TUBA3E: variants seen among roughly 807,000 people sequenced by gnomAD.
TUBA3E encodes tubulin alpha 3e.
In TUBA3E, 21 loss-of-function variants were observed where a neutral mutation model predicts 36.7. The ratio of observed to expected loss-of-function variants is 0.57; its 90% CI spans 0.41 to 0.83. The LOEUF is 0.83. Ranked by LOEUF, TUBA3E falls within the 40% of genes least tolerant of loss-of-function variation. TUBA3E has a pLI of 0.00. For missense variants in TUBA3E, 469 were observed against 604.2 expected, an observed-to-expected ratio of 0.78 and a Z score of 2.35; for synonymous variants, 177 against 241.9, an observed-to-expected ratio of 0.73 and a Z score of 2.49.
intron 4 of TUBA3E, among the ~76,000 whole-genome samples, chr2:130,193,321 T>A (rs749463527): frequency 6.6e-6 from 1 of 151,494 alleles, no homozygotes; most frequent in African/African-American, 2.4e-5. Context: ...TCAAAAGACA[T>A]CACTGACCTG....
Position 130,191,935 on chromosome 2 carries a change from C to T in TUBA3E, c.1249G>A (p.Glu417Lys). Residue 417 changes from glutamate (E) to lysine (K), a missense_variant, in exon 5 of 5, where the codon GAG (glutamate) becomes AAG (lysine). Glu to Lys is a moderately conservative substitution (Grantham distance 56). This residue lies in a region of TUBA3E where 296 missense variants were observed against 346.9 expected (regional missense o/e 0.85). Transcript: ENST00000312988. ...WYVGEGMEEG[E>K]FSEAREDLAA... ...AGGTCCTCGCGGGCCTCAGAGAACT[C>T]TCCCTCTTCCATGCCTTCGCCCACG... is the stretch of plus-strand genomic sequence containing the variant. 6.2e-7 allele frequency: 1 copy of T among 1,614,116 alleles called. No individual in the cohort carries two copies. Among genetic ancestry groups the T allele is most frequent in the East Asian group, 2.2e-5 (1 of 44,852 alleles).
In TUBA3E at chr2:130,192,821, TGTG is replaced by T. The variant is rs777097626; in HGVS notation, c.1057-697_1057-695del. 2.6e-5 allele frequency among the ~76,000 whole-genome samples: 4 copies of T among 152,094 alleles called. No individual in the cohort carries two copies. In the South Asian group the frequency reaches 8.3e-4, roughly 32 times the overall value. On this transcript the variant is annotated intron_variant, in intron 4 of 4. Transcript: ENST00000312988. ...CTATAAATGACAACATCAGGCCAGG[TGTG>T]GTGGCTCAAGCCTGTGACCCCAGCA... is the stretch of plus-strand genomic sequence containing the variant.
chr2:130,193,674 T>G, intron 4 of TUBA3E, 112 bp downstream of exon 4: 1 of 1,347,154 alleles, frequency 7.4e-7, no homozygotes, highest in Non-Finnish European at 1.0e-6. Flanking sequence ...TATGCCCACA[T>G]GCCTAGCCCA....
In TUBA3E at chr2:130,192,055, T is replaced by C. The variant is rs373608623; in HGVS notation, c.1129A>G (p.Met377Val). Residue 377 changes from methionine (M) to valine (V), a missense_variant, in exon 5 of 5, where the codon ATG becomes GTG. Met to Val is a conservative substitution (Grantham distance 21, BLOSUM62 1). This residue lies in a region of TUBA3E where 296 missense variants were observed against 346.9 expected (regional missense o/e 0.85). Coordinates refer to ENST00000312988, the MANE Select transcript of TUBA3E (RefSeq NM_207312.3). Reference sequence around the variant, plus strand: ...GCAATGGCCGTGGTGTTGCTCAGCATGCACACGGCCCGCTGCACCTTGGCC... The same window carrying C: ...GCAATGGCCGTGGTGTTGCTCAGCACGCACACGGCCCGCTGCACCTTGGCC... ...DLAKVQRAVCMLSNTTAIAEA... is the reference protein window; with the variant it reads ...DLAKVQRAVCVLSNTTAIAEA... 89 of 1,613,918 alleles carry C rather than the reference T, an allele frequency of 5.5e-5. No individual in the cohort carries two copies. Among genetic ancestry groups the C allele is most frequent in the Non-Finnish European group, 6.4e-5 (76 of 1,179,964 alleles).
Position 130,194,134 on chromosome 2 carries a change from G to A in TUBA3E, c.708C>T (p.Ser236=), listed in dbSNP as rs1295510181. The change falls in exon 4 of 5, where the codon TCC becomes TCT. Residue 236 remains serine, a synonymous_variant. Coordinates refer to ENST00000312988, the MANE Select transcript of TUBA3E (RefSeq NM_207312.3). ...NLNRLIGQIV[S]SITASLRFDG... is the part of the protein sequence containing the mutation. ...CAAATCGCAGGGAGGCCGTGATGGA[G>A]GACACGATCTGCCCAATCAGGCGAT... is the stretch of plus-strand genomic sequence containing the variant. 6.2e-7 allele frequency: 1 copy of A among 1,613,990 alleles called. No individual in the cohort carries two copies. Among genetic ancestry groups the A allele is most frequent in the Non-Finnish European group, 8.5e-7 (1 of 1,180,048 alleles).
intron 2 of TUBA3E, among the ~76,000 whole-genome samples, chr2:130,195,834 G>A (rs1159747345): frequency 6.6e-5 from 10 of 152,266 alleles, no homozygotes; most frequent in Non-Finnish European, 1.2e-4. Context: ...GCATTCGGGA[G>A]GGAACCAATG....
chr2:130,192,292 C>T (rs576005449), intron 4 of TUBA3E, among the ~76,000 whole-genome samples, 165 bp from the exon 5 acceptor site: 2 of 152,284 alleles, frequency 1.3e-5, no homozygotes, highest in South Asian at 2.1e-4. Context: ...GGTGATAGTT[C>T]CAGACGAGGA....
Position 130,194,024 on chromosome 2 carries a change from G to A in TUBA3E, c.818C>T (p.Ala273Val), listed in dbSNP as rs1690338747. The change falls in exon 4 of 5, where the codon GCC (alanine) becomes GTC (valine). Residue 273 changes from alanine (A) to valine (V), a missense_variant. Ala to Val is a moderately conservative substitution (Grantham distance 64). This residue lies in a region of TUBA3E where 296 missense variants were observed against 346.9 expected (regional missense o/e 0.85). Transcript: ENST00000312988. ...GGCCTTCTCAGCTGAGATGACTGGG[G>A]CGTAGGTGGCCAGGGGGAAGTGGAT... is the stretch of plus-strand genomic sequence containing the variant. ...PRIHFPLATY[A>V]PVISAEKAYH... is the part of the protein sequence containing the mutation. 2 of 1,614,100 alleles carry A rather than the reference G, an allele frequency of 1.2e-6. No homozygotes were observed. Among genetic ancestry groups the A allele is most frequent in the African/African-American group, 2.7e-5 (2 of 74,948 alleles).
In TUBA3E at chr2:130,194,120, G is replaced by T; in HGVS notation, c.722C>A (p.Ser241Tyr). Residue 241 changes from serine (S) to tyrosine (Y), a missense_variant, in exon 4 of 5, where the codon TCC becomes TAC. Around this residue, in one of 3 missense-constraint regions of TUBA3E, gnomAD observed 296 missense variants for 346.9 expected, o/e 0.85. Transcript: ENST00000312988. ...ATTCAGGGCCCCATCAAATCGCAGG[G>T]AGGCCGTGATGGAGGACACGATCTG... ...IGQIVSSITA[S>Y]LRFDGALNVD... is the part of the protein sequence containing the mutation. The T allele has an allele frequency of 6.2e-7, 1 of 1,614,190 alleles. No homozygotes were observed. The highest frequency in any genetic ancestry group is 8.5e-7 in the Non-Finnish European group (1 of 1,180,042).
At chr2:130,195,646 C>A (rs1320492647) in intron 2 of TUBA3E, among the ~76,000 whole-genome samples, 2 of 152,236 alleles carry the variant, frequency 1.3e-5, no homozygotes, top group Non-Finnish European at 2.9e-5. Context: ...GTCCCACAGG[C>A]TTTCAGGTGA....
In TUBA3E at chr2:130,196,327, G is replaced by T. The variant is rs777258002; in HGVS notation, c.48C>A (p.Ile16=). ...AGTACAGTTCCCAGCAGGCATTGCCGATCTGGACACCCGCCTGCCCCACGT... is the reference window on the plus strand; with the variant it reads ...AGTACAGTTCCCAGCAGGCATTGCCTATCTGGACACCCGCCTGCCCCACGT... ...SIHVGQAGVQ[I]GNACWELYCL... Residue 16 remains isoleucine, a synonymous_variant, in exon 2 of 5, where the codon ATC becomes ATA. Coordinates refer to ENST00000312988, the MANE Select transcript of TUBA3E (RefSeq NM_207312.3). The T allele has an allele frequency of 1.2e-6, 2 of 1,614,030 alleles. No homozygotes were observed. Among genetic ancestry groups the T allele is most frequent in the South Asian group, 2.2e-5 (2 of 91,070 alleles).
At chr2:130,195,505 C>T (rs886490418) in intron 2 of TUBA3E, among the ~76,000 whole-genome samples, 1 of 152,238 alleles carries the variant, frequency 6.6e-6, no homozygotes, top group South Asian at 2.1e-4. Flanking sequence ...CACTCCTACT[C>T]AGGTACATAA....
At chr2:130,192,165 A>T in intron 4 of TUBA3E, 38 bp from the exon 5 acceptor site, 2 of 1,565,088 alleles carry the variant, frequency 1.3e-6, no homozygotes, top group South Asian at 1.2e-5. Flanking sequence ...CGTGAAGCTT[A>T]TATCAAACCT....
chr2:130,196,007 A>C (rs1690393538), intron 2 of TUBA3E, 142 bp downstream of exon 2: 3 of 1,391,932 alleles, frequency 2.2e-6, no homozygotes, highest in Non-Finnish European at 2.9e-6. Context: ...CAAACCTTTC[A>C]GTTTCTCTCC....
chr2:130,192,834 G>A (rs865865034), intron 4 of TUBA3E, among the ~76,000 whole-genome samples: 3 of 152,216 alleles, frequency 2.0e-5, no homozygotes, highest in African/African-American at 7.2e-5. Context: ...GGTGGCTCAA[G>A]CCTGTGACCC....
At chr2:130,192,349 C>G (rs1193054014) in intron 4 of TUBA3E, among the ~76,000 whole-genome samples, 1 of 152,164 alleles carries the variant, frequency 6.6e-6, no homozygotes, top group African/African-American at 2.4e-5. Context: ...GGATCCCAAG[C>G]TACCTAAAGG....
rs1360269679 is a variant in TUBA3E, at chr2:130,194,057, T to C, written c.785A>G (p.Tyr262Cys). The part of the protein sequence containing the change: ...LTEFQTNLVP[Y>C]PRIHFPLATY... ...GGCCAGGGGGAAGTGGATGCGGGGG[T>C]ACGGCACGAGGTTGGTCTGGAATTC... The change falls in exon 4 of 5, where the codon TAC (tyrosine) becomes TGC (cysteine). Residue 262 changes from tyrosine (Y) to cysteine (C), a missense_variant. By Grantham distance (194) the Tyr-to-Cys change is radical. Transcript: ENST00000312988. 1 of 1,613,796 alleles carries C rather than the reference T, an allele frequency of 6.2e-7. No individual in the cohort carries two copies. Among genetic ancestry groups the C allele is most frequent in the Non-Finnish European group, 8.5e-7 (1 of 1,179,982 alleles).
chr2:130,192,383 T>C (rs1016094058), intron 4 of TUBA3E, among the ~76,000 whole-genome samples: 2 of 151,048 alleles, frequency 1.3e-5, no homozygotes, highest in East Asian at 3.9e-4. Flanking sequence ...ACCTGTGACA[T>C]GTGATAGGTG....
intron 4 of TUBA3E, among the ~76,000 whole-genome samples, chr2:130,193,457 A>AAATTAGCCGGGCATGGTGGCAG (rs1690319715): frequency 6.6e-6 from 1 of 150,856 alleles, no homozygotes; most frequent in Non-Finnish European, 1.5e-5. Context: ...AAAAATACAA[A>AAATTAGCCGGGCATGGTGGCAG]AATTAGCCGG....
Sources: gnomAD v4.1 joint callset for allele counts (sites outside exome capture counted in the v4.1 genomes callset) on GRCh38, gnomAD v4.1.1 for gene constraint, gnomAD v4.1.1 regional missense constraint, MANE v1.5 for transcripts, NCBI Gene and HGNC (gene_info 2026-07-23, HGNC 2026-07-21) for gene names.